The following DNAH11 variants were observed in gnomAD, a reference collection of about 807,000 sequenced individuals.
DNAH11 encodes the protein dynein axonemal heavy chain 11.
DNAH11 carries 442 observed loss-of-function variants against 526.0 expected under a neutral mutation model. The ratio of observed to expected loss-of-function variants is 0.84; its 90% confidence interval spans 0.78 to 0.91. The LOEUF (loss-of-function observed/expected upper bound fraction) is 0.91, where lower values mean the gene tolerates loss of function less well. Ranked by LOEUF, DNAH11 falls within the 40% of genes least tolerant of loss-of-function variation. The pLI is 0.00. For synonymous variants in DNAH11, 2,461 were observed against 1,935.9 expected, an observed-to-expected ratio of 1.27 and a Z score of -7.12; for missense variants, 6,989 against 5,448.7, an observed-to-expected ratio of 1.28 and a Z score of -8.90.
At chr7:21,872,708 GA>G (rs1419896114) in intron 73 of DNAH11, among the ~76,000 whole-genome samples, 1 of 152,190 alleles carries the variant, frequency 6.6e-6, no homozygotes, top group African/African-American at 2.4e-5. Context: ...AGGATTTAAG[GA>G]AAATCATCTG....
intron 30 of DNAH11, among the ~76,000 whole-genome samples, chr7:21,680,976 G>C (rs1395958947): frequency 6.6e-6 from 1 of 152,150 alleles, no homozygotes; most frequent in Non-Finnish European, 1.5e-5. Context: ...GCTATCATTA[G>C]GGTAGAGGGT....
At position 21,816,359 on chromosome 7, in the gene DNAH11, A is replaced by T. The variant is rs978493050; in HGVS notation, c.10333-108A>T. 3 of 825,148 alleles carry T rather than the reference A, an allele frequency of 3.6e-6. No homozygotes were observed. In the East Asian group the frequency reaches 8.0e-5, roughly 22 times the overall value. The allele number at this position is 825,148 out of a possible 1,614,324, so 51.1% of individuals were successfully genotyped here. A position where few individuals can be genotyped will look rare whatever the true frequency, so the allele number is the denominator to read the frequency against. ...TTCTGAGAATCCACAGAAAATTATC[A>T]TGTGTTTACCTAGGGTTACTTTCTC... On this transcript the variant is annotated intron_variant, in intron 63 of 81. Transcript: ENST00000409508.
intron 73 of DNAH11, 127 bp downstream of exon 73, chr7:21,869,118 A>G (rs1783402448): frequency 7.4e-7 from 1 of 1,355,676 alleles, no homozygotes; most frequent in Non-Finnish European, 1.0e-6. Flanking sequence ...TGCAAGCAGT[A>G]CTGTCAGTGT....
chr7:21,547,887 G>A (rs543987445), intron 2 of DNAH11, among the ~76,000 whole-genome samples: 82 of 152,232 alleles, frequency 5.4e-4, no homozygotes, highest in Non-Finnish European at 8.7e-4. Flanking sequence ...TTATAGGAGA[G>A]CAACTTTAAT....
At chr7:21,601,272 T>C in intron 17 of DNAH11, 93 bp downstream of exon 17, 1 of 1,461,268 alleles carries the variant, frequency 6.8e-7, no homozygotes, top group Non-Finnish European at 9.2e-7. Context: ...GTTGCCAGTT[T>C]CATGATAGAG....
At chr7:21,640,480 T>G (rs1787076913) in intron 28 of DNAH11, among the ~76,000 whole-genome samples, 1 of 146,346 alleles carries the variant, frequency 6.8e-6, no homozygotes, top group African/African-American at 2.8e-5. Flanking sequence ...AGCAGAGAGG[T>G]ACATAAATCT....
intron 61 of DNAH11, among the ~76,000 whole-genome samples, chr7:21,796,095 GGTAA>G (rs1401718059): frequency 6.6e-6 from 1 of 152,182 alleles, no homozygotes; most frequent in East Asian, 1.9e-4. Context: ...TTGGTTAAGA[GGTAA>G]GTGTTTGTCC....
At chr7:21,693,706 G>A (rs1783724306) in intron 35 of DNAH11, among the ~76,000 whole-genome samples, 1 of 151,978 alleles carries the variant, frequency 6.6e-6, no homozygotes, top group East Asian at 1.9e-4. Context: ...AATCTTTTAA[G>A]GAACTTATTG....
At chr7:21,654,413 A>C (rs1781922930) in intron 28 of DNAH11, among the ~76,000 whole-genome samples, 1 of 152,234 alleles carries the variant, frequency 6.6e-6, no homozygotes, top group Admixed American at 6.5e-5. Flanking sequence ...AGCATGTATC[A>C]GTAATATTCC....
In DNAH11 at chr7:21,652,980, G is replaced by A. The variant is rs2128464310; in HGVS notation, c.4945-2852G>A. The stretch of plus-strand genomic sequence containing the variant: ...CAACCTCTGCCTCCCAGGTTCAAGT[G>A]ATTCTCCAGCCTCAGCCTCCCAAGT... On this transcript the variant is annotated intron_variant, in intron 28 of 81. Transcript: ENST00000409508. Among the ~76,000 whole-genome samples the A allele has an allele frequency of 1.3e-5, 2 of 152,204 alleles. 1 individual carries two copies. The highest frequency in any genetic ancestry group is 4.2e-4 in the South Asian group (2 of 4,814).
At chr7:21,589,943 T>A (rs1201121353) in intron 12 of DNAH11, among the ~76,000 whole-genome samples, 1 of 152,176 alleles carries the variant, frequency 6.6e-6, no homozygotes, top group African/African-American at 2.4e-5. Context: ...AATAAGCTTG[T>A]ATATGGTAAT....
chr7:21,719,454 G>T (rs576288720), intron 43 of DNAH11, among the ~76,000 whole-genome samples: 8 of 152,138 alleles, frequency 5.3e-5, no homozygotes, highest in Non-Finnish European at 1.2e-4. Flanking sequence ...ACACATGGCC[G>T]TATTCGTGTG....
chr7:21,789,446 G>A, intron 61 of DNAH11, 104 bp downstream of exon 61: 1 of 681,840 alleles, frequency 1.5e-6, no homozygotes, highest in East Asian at 2.8e-5. Flanking sequence ...CTATCAAGCA[G>A]AAAGGAATTC....
intron 40 of DNAH11, among the ~76,000 whole-genome samples, chr7:21,708,066 C>G (rs17145085): frequency 2.4e-4 from 36 of 152,142 alleles, no homozygotes; most frequent in Admixed American, 2.4e-3. Context: ...TTTTATCCCA[C>G]GTCAATTATG....
chr7:21,655,770 AG>A, intron 28 of DNAH11, 61 bp from the exon 29 acceptor site: 1 of 1,501,654 alleles, frequency 6.7e-7, no homozygotes, highest in Non-Finnish European at 9.1e-7. Flanking sequence ...CATCATCTCT[AG>A]ATTATCAGAA....
At chr7:21,812,889 A>G (rs1789594324) in intron 63 of DNAH11, among the ~76,000 whole-genome samples, 1 of 152,150 alleles carries the variant, frequency 6.6e-6, no homozygotes, top group South Asian at 2.1e-4. Context: ...TAAGTCCAGT[A>G]TCCAGCCTGG....
chr7:21,818,478 G>A, intron 65 of DNAH11, 139 bp downstream of exon 65: 2 of 840,922 alleles, frequency 2.4e-6, no homozygotes, highest in African/African-American at 1.8e-5. Flanking sequence ...TACACTCCAA[G>A]ACCAAAGCAA....
intron 66 of DNAH11, among the ~76,000 whole-genome samples, chr7:21,849,060 T>G (rs956311172): frequency 6.6e-6 from 1 of 152,114 alleles, no homozygotes; most frequent in African/African-American, 2.4e-5. Context: ...TAATTTTGTA[T>G]TTTTAGTAGA....
intron 69 of DNAH11, among the ~76,000 whole-genome samples, chr7:21,863,976 T>C (rs143923650): frequency 6.6e-6 from 1 of 152,334 alleles, no homozygotes; most frequent in Non-Finnish European, 1.5e-5. Context: ...AAATATACTT[T>C]GGGTTTTTTA....
Sources: allele counts gnomAD v4.1 joint callset (sites outside exome capture counted in the v4.1 genomes callset), GRCh38; gene constraint gnomAD v4.1.1; transcripts MANE v1.5; gene names NCBI Gene and HGNC (gene_info 2026-07-23, HGNC 2026-07-21).